RNF138: variants seen among roughly 807,000 people sequenced by gnomAD.
RNF138 encodes the protein ring finger protein 138.
In RNF138, 12 loss-of-function variants were observed where a neutral mutation model predicts 31.0. The observed-to-expected ratio is 0.39, with a 90% confidence interval of 0.25 to 0.63. The LOEUF (loss-of-function observed/expected upper bound fraction) is 0.63, where lower values mean the gene tolerates loss of function less well. Ranked by LOEUF, RNF138 falls within the 20% of genes least tolerant of loss-of-function variation. The pLI, the probability that RNF138 is intolerant of heterozygous loss-of-function variation, is 0.52. For missense variants in RNF138, 192 were observed against 300.1 expected (o/e 0.64, Z 2.66); for synonymous variants, 105 against 99.5 (o/e 1.06, Z -0.33).
At chr18:32,101,758 G>GC (rs1360107172) in intron 2 of RNF138, among the ~76,000 whole-genome samples, 11 of 152,132 alleles carry the variant, frequency 7.2e-5, no homozygotes, top group African/African-American at 2.4e-4. Context: ...CATCATCTTT[G>GC]CCAATTTTGT....
At chr18:32,115,115 G>A (rs2040193973) in intron 4 of RNF138, among the ~76,000 whole-genome samples, 1 of 151,992 alleles carries the variant, frequency 6.6e-6, no homozygotes, top group Admixed American at 6.6e-5. Flanking sequence ...CCAATAGATT[G>A]TTCTTAAGTG....
intron 5 of RNF138, chr18:32,124,378 TA>T (rs2144287114): frequency 5.9e-6 from 1 of 170,130 alleles, no homozygotes; most frequent in African/African-American, 2.4e-5. Flanking sequence ...TACAGAATAT[TA>T]AAAATTTTCA....
intron 2 of RNF138, among the ~76,000 whole-genome samples, chr18:32,098,090 G>A (rs918363497): frequency 6.6e-6 from 1 of 151,856 alleles, no homozygotes; most frequent in Non-Finnish European, 1.5e-5. Context: ...TGGTTCAAGC[G>A]ATTCTACTCC....
intron 2 of RNF138, among the ~76,000 whole-genome samples, chr18:32,107,165 G>A (rs1287712960): frequency 2.4e-5 from 3 of 125,950 alleles, no homozygotes; most frequent in Admixed American, 1.0e-4. Flanking sequence ...CTGTCACCCA[G>A]GCTGGAGTGC....
rs1260983100 is a variant in RNF138 at position 32,129,521 on chromosome 18, ATTTAC to A, written c.*339_*343del. 4.8e-6 allele frequency: 1 copy of A among 209,844 alleles called. No individual in the cohort carries two copies. Among genetic ancestry groups the A allele is most frequent in the African/African-American group, 2.3e-5 (1 of 43,556 alleles). The allele number at this position is 209,844 out of a possible 1,614,324, so 13.0% of individuals were successfully genotyped here. On this transcript the variant is annotated 3_prime_UTR_variant, in exon 8 of 8. Coordinates refer to ENST00000261593, the MANE Select transcript of RNF138 (RefSeq NM_016271.5). ...TTTTGAAATTTGATGCATTCCTCCC[ATTTAC>A]TTTATTATTGTACACATTTAACACA...
At position 32,095,706 on chromosome 18, in the gene RNF138, G is replaced by A. The variant is rs373006418; in HGVS notation, c.110+2820G>A. On this transcript the variant is annotated intron_variant, in intron 2 of 7. Transcript: ENST00000261593. ...ACTACTGACTATCCTAGTAAAAGGA[G>A]CAAGTTCATTATCATTAGAATAACA... is the stretch of plus-strand genomic sequence containing the variant. Among the ~76,000 whole-genome samples, 48 of 152,290 alleles carry A rather than the reference G, an allele frequency of 3.2e-4. No individual in the cohort carries two copies. In the East Asian group the frequency reaches 5.0e-3, roughly 16 times the overall value.
At chr18:32,094,086 C>G (rs1171156143) in intron 2 of RNF138, among the ~76,000 whole-genome samples, 1 of 152,132 alleles carries the variant, frequency 6.6e-6, no homozygotes, top group East Asian at 1.9e-4. Flanking sequence ...CCACCGCGCC[C>G]CGCCCGGAAA....
chr18:32,114,795 A>C (rs1394154511), intron 4 of RNF138, among the ~76,000 whole-genome samples: 1 of 152,154 alleles, frequency 6.6e-6, no homozygotes, highest in Non-Finnish European at 1.5e-5. Context: ...CATATTGCTA[A>C]TTTTTAGTAA....
chr18:32,096,701 A>T (rs75069983), intron 2 of RNF138, among the ~76,000 whole-genome samples: 4,394 of 152,242 alleles, frequency 0.029, 222 homozygotes, highest in African/African-American at 0.1. Flanking sequence ...GCATTTTCAG[A>T]GGCCTTAGAG....
chr18:32,097,874 A>G (rs2039838691), intron 2 of RNF138, among the ~76,000 whole-genome samples: 3 of 151,708 alleles, frequency 2.0e-5, no homozygotes, highest in Non-Finnish European at 4.4e-5. Flanking sequence ...GGCTATATAT[A>G]TGTATATATG....
At chr18:32,109,010 T>G (rs1217549747) in intron 2 of RNF138, among the ~76,000 whole-genome samples, 1 of 152,106 alleles carries the variant, frequency 6.6e-6, no homozygotes, top group Non-Finnish European at 1.5e-5. Context: ...AGAGTGGAAT[T>G]TATGCGCTCT....
chr18:32,114,351 A>T (rs868756735), intron 4 of RNF138, among the ~76,000 whole-genome samples: 64 of 152,132 alleles, frequency 4.2e-4, no homozygotes, highest in Admixed American at 1.8e-3. Flanking sequence ...CTAGATTTGG[A>T]TTGATTTGTA....
At chr18:32,100,698 A>G (rs2039919993) in intron 2 of RNF138, among the ~76,000 whole-genome samples, 1 of 151,842 alleles carries the variant, frequency 6.6e-6, no homozygotes, top group Non-Finnish European at 1.5e-5. Flanking sequence ...CTGGTCTCGA[A>G]CTCCCAACCT....
At chr18:32,092,583 C>G (rs906136385) in intron 1 of RNF138, 117 bp from the exon 2 acceptor site, 10 of 578,282 alleles carry the variant, frequency 1.7e-5, no homozygotes, top group Non-Finnish European at 2.5e-5. Context: ...GCCTCTTGCC[C>G]GGCGCGTGCG....
At chr18:32,093,135 G>T (rs1249441189) in intron 2 of RNF138, among the ~76,000 whole-genome samples, 1 of 150,480 alleles carries the variant, frequency 6.6e-6, no homozygotes, top group Non-Finnish European at 1.5e-5. Flanking sequence ...CCGCTCTCCC[G>T]CTCTCCCGCT....
At chr18:32,098,528 C>G (rs187859375) in intron 2 of RNF138, among the ~76,000 whole-genome samples, 96 of 144,766 alleles carry the variant, frequency 6.6e-4, no homozygotes, top group Admixed American at 2.3e-3. Flanking sequence ...TAATTTTCTT[C>G]TTTCCTAAAA....
At chr18:32,111,099 G>A (rs1289548261) in intron 2 of RNF138, among the ~76,000 whole-genome samples, 1 of 152,208 alleles carries the variant, frequency 6.6e-6, no homozygotes. Context: ...GTATTCTTAA[G>A]TATTTCTCAA....
chr18:32,123,680 C>G lies in RNF138; in HGVS notation c.449+106C>G, dbSNP rs1466686366. The stretch of plus-strand genomic sequence containing the variant: ...TTTTTTTTTTTTTTTGAGACGGAGT[C>G]TCACTTTGTTTTCCCAGGCTGGAGT... On this transcript the variant is annotated intron_variant, in intron 5 of 7. Transcript: ENST00000261593. 3 of 704,370 alleles carry G rather than the reference C, an allele frequency of 4.3e-6. No homozygotes were observed. The South Asian group carries it at 7.0e-5, about 16-fold the overall frequency. The allele number at this position is 704,370 out of a possible 1,614,324, so 43.6% of individuals were successfully genotyped here. A position where few individuals can be genotyped will look rare whatever the true frequency, so the allele number is the denominator to read the frequency against.
chr18:32,094,818 A>G (rs961272539), intron 2 of RNF138, among the ~76,000 whole-genome samples: 14 of 152,136 alleles, frequency 9.2e-5, no homozygotes, highest in African/African-American at 3.1e-4. Context: ...TTTTGGATAG[A>G]ATCATTCTAA....
Sources: allele counts gnomAD v4.1 joint callset (sites outside exome capture counted in the v4.1 genomes callset), GRCh38; gene constraint gnomAD v4.1.1; transcripts MANE v1.5; gene names NCBI Gene and HGNC (gene_info 2026-07-23, HGNC 2026-07-21).